The following ITCH variants were observed in gnomAD, a reference collection of about 807,000 sequenced individuals.
ITCH encodes the protein E3 ubiquitin-protein ligase Itchy homolog.
A neutral mutation model predicts 126.8 loss-of-function variants in ITCH; 28 were observed. The ratio of observed to expected loss-of-function variants is 0.22; its 90% confidence interval spans 0.16 to 0.30. The LOEUF (loss-of-function observed/expected upper bound fraction) is 0.30, where lower values mean the gene tolerates loss of function less well. Among genes scored for constraint, ITCH ranks in the 10% least tolerant of loss-of-function variants. The pLI is 1.00. For missense variants in ITCH, 631 were observed against 1,032.4 expected, an observed-to-expected ratio of 0.61 and a Z score of 5.33; for synonymous variants, 342 against 340.0, an observed-to-expected ratio of 1.01 and a Z score of -0.06.
chr20:34,411,649 T>C (rs1332893785), intron 4 of ITCH, among the ~76,000 whole-genome samples: 4 of 152,186 alleles, frequency 2.6e-5, no homozygotes, highest in Non-Finnish European at 5.9e-5. Flanking sequence ...GGAAAGTGTT[T>C]CTTTGTCCCC....
intron 12 of ITCH, among the ~76,000 whole-genome samples, chr20:34,453,869 C>T (rs543224395): frequency 6.6e-6 from 1 of 151,570 alleles, no homozygotes; most frequent in Non-Finnish European, 1.5e-5. Context: ...TGGTGGACGT[C>T]TGTAGTACCA....
intron 3 of ITCH, among the ~76,000 whole-genome samples, chr20:34,406,962 A>G (rs2146138051): frequency 6.6e-6 from 1 of 152,206 alleles, no homozygotes; most frequent in Non-Finnish European, 1.5e-5. Flanking sequence ...TGGAGTAGAT[A>G]ACCTGGGTGG....
At chr20:34,374,350 T>C (rs2037754404) in intron 2 of ITCH, among the ~76,000 whole-genome samples, 1 of 152,208 alleles carries the variant, frequency 6.6e-6, no homozygotes, top group African/African-American at 2.4e-5. Flanking sequence ...ATTTTGACTC[T>C]ACTGTGTAGT....
chr20:34,364,975 G>A (rs1463282105), intron 1 of ITCH, among the ~76,000 whole-genome samples: 3 of 151,756 alleles, frequency 2.0e-5, no homozygotes, highest in Non-Finnish European at 4.4e-5. Context: ...CGAGGTGGGC[G>A]GATTACGTGA....
chr20:34,476,367 G>GC lies in ITCH; in HGVS notation c.1570-1403dup, dbSNP rs529192512. Reference sequence around the variant, plus strand: ...GGCCCGGTCCCCGGCTCCTCAGCAGGCCGCTGGCTCCAGCGCGGGACCCGG... The same window carrying GC: ...GGCCCGGTCCCCGGCTCCTCAGCAGGCCCGCTGGCTCCAGCGCGGGACCCGG... On this transcript the variant is annotated intron_variant, in intron 16 of 24. Coordinates refer to ENST00000374864, the MANE Select transcript of ITCH (RefSeq NM_031483.7). The GC allele has an allele frequency of 4.3e-4, 569 of 1,330,786 alleles. 15 individuals carry two copies. The South Asian group carries it at 8.9e-3, about 21-fold the overall frequency. 82.4% of individuals were successfully genotyped at this position (1,330,786 alleles called of 1,614,324 possible). A position where few individuals can be genotyped will look rare whatever the true frequency, so the allele number is the denominator to read the frequency against.
At chr20:34,502,319 C>T (rs1990305494) in intron 23 of ITCH, among the ~76,000 whole-genome samples, 1 of 150,864 alleles carries the variant, frequency 6.6e-6, no homozygotes, top group African/African-American at 2.4e-5. Context: ...AGATTTCAAG[C>T]CTGTAGTGCA....
intron 16 of ITCH, 124 bp from the exon 17 acceptor site, chr20:34,477,648 T>C: frequency 2.5e-6 from 2 of 796,142 alleles, no homozygotes; most frequent in East Asian, 2.6e-5. Flanking sequence ...GACTAGACCA[T>C]GAACACCTTT....
intron 20 of ITCH, 128 bp downstream of exon 20, chr20:34,481,334 G>C: frequency 9.7e-7 from 1 of 1,030,758 alleles, no homozygotes; most frequent in Non-Finnish European, 1.4e-6. Context: ...ATCCTATGTA[G>C]GCAGTCATTT....
intron 23 of ITCH, among the ~76,000 whole-genome samples, chr20:34,497,347 G>A (rs1041641672): frequency 6.6e-6 from 1 of 151,998 alleles, no homozygotes; most frequent in East Asian, 1.9e-4. Context: ...AAATATGTGG[G>A]TTTGTTTCTG....
At chr20:34,462,780 C>G (rs1986664774) in intron 14 of ITCH, among the ~76,000 whole-genome samples, 1 of 152,176 alleles carries the variant, frequency 6.6e-6, no homozygotes, top group African/African-American at 2.4e-5. Context: ...TTTAGCAGAC[C>G]TGGTAACCAG....
In ITCH at chr20:34,440,176, C is replaced by G. The variant is rs752529180; in HGVS notation, c.701C>G (p.Ser234Cys). The G allele has an allele frequency of 6.2e-7, 1 of 1,613,012 alleles. No homozygotes were observed. The highest frequency in any genetic ancestry group is 8.5e-7 in the Non-Finnish European group (1 of 1,178,976). Residue 234 changes from serine to cysteine, a missense_variant, in exon 9 of 25, where the codon TCT becomes TGT. Physicochemically the swap from Ser to Cys is moderately radical, Grantham distance 112. Coordinates refer to ENST00000374864, the MANE Select transcript of ITCH (RefSeq NM_031483.7). ...ATAGCATCTGTCAATGGTTCACCAT[C>G]TGCCACTTCTGAAAGTGATGGGTCT... ...RRPASVNGSP[S>C]ATSESDGSST...
At chr20:34,382,829 T>C (rs770587497) in intron 2 of ITCH, among the ~76,000 whole-genome samples, 6 of 151,678 alleles carry the variant, frequency 4.0e-5, no homozygotes, top group Non-Finnish European at 7.4e-5. Context: ...CTGAAACCTC[T>C]GCCTCCTGGC....
At chr20:34,466,543 G>A (rs934084038) in intron 14 of ITCH, 52 of 445,458 alleles carry the variant, frequency 1.2e-4, no homozygotes, top group Middle Eastern at 8.5e-4. Context: ...ATAAATTACC[G>A]ATAATATTAT....
In ITCH at chr20:34,489,822, G is replaced by T. The variant is rs1850124768; in HGVS notation, c.2215G>T (p.Val739Phe). Reference protein sequence around the residue: ...LQYFDAKELEVLLCGMQEIDL... With the variant: ...LQYFDAKELEFLLCGMQEIDL... ...CAATTTGTCTTTTTCATCCCTAAAG[G>T]TCCTTTTATGTGGAATGCAAGAGAT... Residue 739 changes from valine to phenylalanine, a missense_variant and splice_region_variant, in exon 22 of 25, where the codon GTC (valine) becomes TTC (phenylalanine). By Grantham distance (50) the Val-to-Phe change is conservative. This residue lies in a region of ITCH where 390 missense variants were observed against 731.6 expected (regional missense o/e 0.53). Coordinates refer to ENST00000374864, the MANE Select transcript of ITCH (RefSeq NM_031483.7). 1 of 1,607,924 alleles carries T rather than the reference G, an allele frequency of 6.2e-7. No homozygotes were observed. The highest frequency in any genetic ancestry group is 8.5e-7 in the Non-Finnish European group (1 of 1,174,496).
At chr20:34,447,934 C>G (rs1172265950) in intron 11 of ITCH, among the ~76,000 whole-genome samples, 1 of 152,068 alleles carries the variant, frequency 6.6e-6, no homozygotes, top group Non-Finnish European at 1.5e-5. Flanking sequence ...GGGAGCTGCT[C>G]TATATTGAGA....
chr20:34,383,659 A>C (rs1013458237), intron 2 of ITCH, among the ~76,000 whole-genome samples: 1 of 150,568 alleles, frequency 6.6e-6, no homozygotes, highest in African/African-American at 2.4e-5. Flanking sequence ...AGCCACTGTC[A>C]CTGTGCCTGG....
chr20:34,413,957 T>C (rs1979432295), intron 6 of ITCH, 78 bp downstream of exon 6: 1 of 1,246,314 alleles, frequency 8.0e-7, no homozygotes, highest in East Asian at 2.4e-5. Context: ...TATGTAATTA[T>C]TTTGATTTTT....
At chr20:34,490,048 C>T in intron 22 of ITCH, 122 bp downstream of exon 22, 2 of 710,004 alleles carry the variant, frequency 2.8e-6, no homozygotes, top group Admixed American at 4.1e-5. Context: ...TTAGTCCATG[C>T]ATTATAATAA....
chr20:34,371,424 C>G (rs1328382167), intron 2 of ITCH, among the ~76,000 whole-genome samples: 3 of 151,140 alleles, frequency 2.0e-5, no homozygotes, highest in Non-Finnish European at 4.4e-5. Flanking sequence ...CTCGGGAGGC[C>G]AGGCGTGCAC....
Sources: gnomAD v4.1 joint callset for allele counts (sites outside exome capture counted in the v4.1 genomes callset) on GRCh38, gnomAD v4.1.1 for gene constraint, gnomAD v4.1.1 regional missense constraint, MANE v1.5 for transcripts, NCBI Gene and HGNC (gene_info 2026-07-23, HGNC 2026-07-21) for gene names.